Variants in DMD observed in about 807,000 individuals in gnomAD.
DMD encodes dystrophin.
A neutral mutation model predicts 330.1 loss-of-function variants in DMD; 63 were observed. That is an observed-to-expected ratio of 0.19 (90% CI 0.16 to 0.24). The LOEUF is 0.24. Among genes scored for constraint, DMD ranks in the 10% least tolerant of loss-of-function variants. The pLI is 1.00. For missense variants in DMD, 3,344 were observed against 2,684.1 expected (o/e 1.25, Z -5.43); for synonymous variants, 1,223 against 959.8 (o/e 1.27, Z -5.07).
intron 47 of DMD, among the ~76,000 whole-genome samples, chrX:31,907,014 C>T (rs1482506768): frequency 8.9e-6 from 1 of 112,112 alleles, no homozygotes; most frequent in Non-Finnish European, 1.9e-5. Context: ...ATCTTTTCAA[C>T]TTATTGTGAT....
intron 62 of DMD, among the ~76,000 whole-genome samples, chrX:31,270,334 G>A (rs946333223): frequency 2.2e-4 from 24 of 110,930 alleles, no homozygotes; most frequent in Admixed American, 2.0e-3. Flanking sequence ...CCACCCTCTG[G>A]GGCAATAGAC....
chrX:32,334,368 A>G (rs2097695149), intron 41 of DMD, among the ~76,000 whole-genome samples: 1 of 111,878 alleles, frequency 8.9e-6, no homozygotes, highest in South Asian at 3.7e-4. Flanking sequence ...AAATTCTCCA[A>G]GGATGTTGCA....
At chrX:31,840,549 CTT>C (rs1207207240) in intron 48 of DMD, among the ~76,000 whole-genome samples, 4 of 76,352 alleles carry the variant, frequency 5.2e-5, no homozygotes, top group Admixed American at 3.0e-4. Context: ...GCAGATACTG[CTT>C]TTTTTTTTTT....
intron 1 of DMD, among the ~76,000 whole-genome samples, chrX:33,033,697 G>A (rs771977547): frequency 3.7e-5 from 4 of 109,457 alleles, no homozygotes; most frequent in Non-Finnish European, 5.7e-5. Flanking sequence ...CAGCCTGGGC[G>A]ACAGAGCGAG....
At chrX:32,242,091 G>T (rs1029415467) in intron 43 of DMD, among the ~76,000 whole-genome samples, 5 of 111,672 alleles carry the variant, frequency 4.5e-5, no homozygotes, top group Non-Finnish European at 7.5e-5. Context: ...CTGACATGGA[G>T]GCCTGAATCC....
intron 7 of DMD, among the ~76,000 whole-genome samples, chrX:32,739,112 T>C (rs867947485): frequency 8.9e-6 from 1 of 112,142 alleles, no homozygotes; most frequent in Non-Finnish European, 1.9e-5. Context: ...AACAGTCCTA[T>C]GGTATGAATA....
intron 2 of DMD, among the ~76,000 whole-genome samples, chrX:32,974,845 T>A (rs1281704429): frequency 8.9e-6 from 1 of 112,022 alleles, no homozygotes; most frequent in African/African-American, 3.2e-5. Context: ...TGGTCTCTTC[T>A]TGCCTTCTGA....
At position 32,362,919 on chromosome X, in the gene DMD, C is replaced by A. The variant is rs1174588427; in HGVS notation, c.5194G>T (p.Asp1732Tyr). Reference protein sequence around the residue: ...AELNDIRPKVDSTRDQAANLM... With the variant: ...AELNDIRPKVYSTRDQAANLM... ...TTTGCTGCTTGGTCACGTGTAGAGT[C>A]CACCTTTGGGCGTATGTCATTCAGT... The change falls in exon 37 of 79, where the codon GAC becomes TAC. Residue 1732 changes from aspartate (D) to tyrosine (Y), a missense_variant. Physicochemically the swap from Asp to Tyr is radical, Grantham distance 160. Coordinates refer to ENST00000357033, the MANE Select transcript of DMD (RefSeq NM_004006.3). The A allele has an allele frequency of 2.5e-6, 3 of 1,208,837 alleles. No homozygotes were observed. The highest frequency in any genetic ancestry group is 5.9e-5 in the East Asian group (2 of 33,704).
intron 1 of DMD, among the ~76,000 whole-genome samples, chrX:33,240,555 T>G (rs2052571134): frequency 8.9e-6 from 1 of 112,239 alleles, no homozygotes. Context: ...AACGTGTTGA[T>G]TTCATTTCCT....
intron 1 of DMD, among the ~76,000 whole-genome samples, chrX:33,312,847 C>T (rs774369325): frequency 9.0e-6 from 1 of 111,633 alleles, no homozygotes; most frequent in Admixed American, 9.6e-5. Context: ...ACCTAAGGAA[C>T]CTATTTTCTT....
intron 56 of DMD, among the ~76,000 whole-genome samples, chrX:31,499,067 G>A (rs962377096): frequency 8.9e-6 from 1 of 111,751 alleles, no homozygotes; most frequent in African/African-American, 3.3e-5. Flanking sequence ...AGTGAAAAGA[G>A]GCTGTCAAGC....
intron 44 of DMD, among the ~76,000 whole-genome samples, chrX:32,081,666 C>T (rs913520207): frequency 2.7e-5 from 3 of 111,046 alleles, no homozygotes; most frequent in African/African-American, 9.8e-5. Flanking sequence ...ACCAGCCTGA[C>T]CAACATGATG....
intron 76 of DMD, 48 bp from the exon 77 acceptor site, chrX:31,134,242 C>A (rs2147775992): frequency 9.6e-7 from 1 of 1,046,413 alleles, no homozygotes. Context: ...TTATAGAAAA[C>A]AGATATTAAA....
At chrX:31,357,749 GCT>G (rs1229092340) in intron 60 of DMD, among the ~76,000 whole-genome samples, 1 of 111,065 alleles carries the variant, frequency 9.0e-6, no homozygotes, top group Non-Finnish European at 1.9e-5. Flanking sequence ...CCACTTCCCG[GCT>G]CTCCTCCTCT....
rs1193707706 is a variant in DMD at position 32,245,870 on chromosome X, G to A, written c.6291-28807C>T. 1.3e-3 allele frequency among the ~76,000 whole-genome samples: 128 copies of A among 101,108 alleles called. 2 individuals carry two copies. Among genetic ancestry groups the A allele is most frequent in the Non-Finnish European group, 2.0e-3 (102 of 50,130 alleles). The allele number at this position is 101,108 out of a possible 115,157, so 87.8% of individuals were successfully genotyped here. ...GCTTAAGGAGATTTTGGGCTGAGAC[G>A]ATGGGGTTTTCTAGATAAACAATCA... On this transcript the variant is annotated intron_variant, in intron 43 of 78. Transcript: ENST00000357033.
At chrX:31,439,166 A>G (rs769192221) in intron 60 of DMD, among the ~76,000 whole-genome samples, 100 of 112,049 alleles carry the variant, frequency 8.9e-4, no homozygotes, top group African/African-American at 3.1e-3. Flanking sequence ...GTAAGTATGT[A>G]TATTTCTGGT....
intron 1 of DMD, chrX:33,128,991 T>A (rs2095481334): frequency 8.9e-6 from 1 of 112,120 alleles, no homozygotes; most frequent in Admixed American, 9.5e-5. Flanking sequence ...CCCTGTGTTT[T>A]AAAAAAAGAA....
chrX:32,684,693 TA>T lies in DMD; in HGVS notation c.960+13176del, dbSNP rs767497588. Among the ~76,000 whole-genome samples the T allele has an allele frequency of 1.3e-4, 15 of 111,494 alleles. No homozygotes were observed. The East Asian group carries it at 2.5e-3, about 19-fold the overall frequency. On this transcript the variant is annotated intron_variant, in intron 9 of 78. Transcript: ENST00000357033. Reference sequence around the variant, plus strand: ...AAAAATAATTTGATTGTTTATATTATATTTTTTTATTAAGTAGATGGTATGT... The same window carrying T: ...AAAAATAATTTGATTGTTTATATTATTTTTTTTATTAAGTAGATGGTATGT...
chrX:31,809,495 T>C (rs1282899933), intron 50 of DMD, among the ~76,000 whole-genome samples: 1 of 109,413 alleles, frequency 9.1e-6, no homozygotes, highest in Non-Finnish European at 1.9e-5. Flanking sequence ...GGTACTGGTA[T>C]AGTTAGTGCT....
Sources: allele counts gnomAD v4.1 joint callset (sites outside exome capture counted in the v4.1 genomes callset), GRCh38; gene constraint gnomAD v4.1.1; transcripts MANE v1.5; gene names NCBI Gene and HGNC (gene_info 2026-07-23, HGNC 2026-07-21).